Variants in RAB3IP observed in about 807,000 individuals in gnomAD.
The protein encoded by RAB3IP is RAB3A interacting protein.
A neutral mutation model predicts 59.1 loss-of-function variants in RAB3IP; 36 were observed. The ratio of observed to expected loss-of-function variants is 0.61; its 90% CI spans 0.47 to 0.80. The LOEUF is 0.80. Ranked by LOEUF, RAB3IP falls within the 30% of genes least tolerant of loss-of-function variation. RAB3IP has a pLI of 0.00. For synonymous variants in RAB3IP, 207 were observed against 191.2 expected, an observed-to-expected ratio of 1.08 and a Z score of -0.68; for missense variants, 511 against 536.0, an observed-to-expected ratio of 0.95 and a Z score of 0.46.
intron 1 of RAB3IP, among the ~76,000 whole-genome samples, chr12:69,750,866 CTGAT>C (rs1869168135): frequency 6.6e-6 from 1 of 151,872 alleles, no homozygotes; most frequent in Non-Finnish European, 1.5e-5. Flanking sequence ...TACTGTCATT[CTGAT>C]TGATTAACTA....
chr12:69,740,013 G>T, intron 1 of RAB3IP: 1 of 715,624 alleles, frequency 1.4e-6, no homozygotes, highest in South Asian at 1.8e-5. Context: ...TCAGTGTCGG[G>T]TTAAAAGCCT....
chr12:69,739,554 A>T, intron 1 of RAB3IP: 1 of 489,768 alleles, frequency 2.0e-6, no homozygotes, highest in Non-Finnish European at 3.7e-6. Context: ...TCCCAGTCTT[A>T]GGAAACTACG....
intron 1 of RAB3IP, among the ~76,000 whole-genome samples, chr12:69,745,222 G>C (rs564392217): frequency 6.6e-6 from 1 of 152,092 alleles, no homozygotes; most frequent in Non-Finnish European, 1.5e-5. Flanking sequence ...ATTTCCCAAA[G>C]ATAAGAGCAG....
intron 1 of RAB3IP, chr12:69,739,488 C>T: frequency 3.7e-6 from 1 of 270,056 alleles, no homozygotes; most frequent in Non-Finnish European, 7.0e-6. Context: ...AAGTCGGAAG[C>T]AGCTCACAAC....
intron 3 of RAB3IP, among the ~76,000 whole-genome samples, chr12:69,758,756 CT>C (rs71437121): frequency 0.019 from 928 of 48,212 alleles, 23 homozygotes; most frequent in African/African-American, 0.063. Context: ...GTGTTCATTC[CT>C]TTTTTTTTTT....
rs750457610 is a variant in RAB3IP at position 69,792,434 on chromosome 12, T to C, written c.607-2003T>C. 3.3e-5 allele frequency among the ~76,000 whole-genome samples: 5 copies of C among 152,204 alleles called. No homozygotes were observed. The South Asian group carries it at 8.3e-4, about 25-fold the overall frequency. On this transcript the variant is annotated intron_variant, in intron 4 of 10. Transcript: ENST00000247833. ...TGTATTGTCTATGGCTGCTTTCATA[T>C]TGCAACAGCAGAGCTGAGGAGTTGC...
At chr12:69,807,337 C>T (rs369253913) in intron 8 of RAB3IP, among the ~76,000 whole-genome samples, 1 of 150,724 alleles carries the variant, frequency 6.6e-6, no homozygotes, top group South Asian at 2.1e-4. Flanking sequence ...GCGCTCTTCA[C>T]CTCCCAGACA....
At chr12:69,787,065 G>A (rs1385592372) in intron 4 of RAB3IP, among the ~76,000 whole-genome samples, 1 of 151,880 alleles carries the variant, frequency 6.6e-6, no homozygotes, top group African/African-American at 2.4e-5. Context: ...TTCTTTTTTT[G>A]CACTTTATAT....
At position 69,800,270 on chromosome 12, in the gene RAB3IP, C is replaced by T. The variant is rs747682667; in HGVS notation, c.950C>T (p.Thr317Met). Residue 317 changes from threonine to methionine, a missense_variant, in exon 7 of 11, where the codon ACG (threonine) becomes ATG (methionine). Thr to Met is a moderately conservative substitution (Grantham distance 81). Coordinates refer to ENST00000247833, the MANE Select transcript of RAB3IP (RefSeq NM_022456.5). ...LWKDEPTMDR[T>M]CPFLDKIYQE... ...AAGGATGAGCCCACAATGGACAGGA[C>T]GTGTCCTTTCTTAGACAAAATCTAC... 8.1e-6 allele frequency: 13 copies of T among 1,597,526 alleles called. No individual in the cohort carries two copies. Among genetic ancestry groups the T allele is most frequent in the Middle Eastern group, 1.7e-4 (1 of 6,040 alleles).
chr12:69,782,909 T>C (rs1874988988), intron 3 of RAB3IP, among the ~76,000 whole-genome samples: 4 of 152,214 alleles, frequency 2.6e-5, no homozygotes. Flanking sequence ...TTTATGACTT[T>C]GTGGTCGTAC....
intron 3 of RAB3IP, among the ~76,000 whole-genome samples, chr12:69,779,499 A>T (rs985405933): frequency 6.6e-6 from 1 of 150,718 alleles, no homozygotes. Context: ...TTCTCTTTTG[A>T]TGCTATCCCA....
chr12:69,789,681 C>G (rs556831336), intron 4 of RAB3IP, among the ~76,000 whole-genome samples: 3 of 152,210 alleles, frequency 2.0e-5, no homozygotes, highest in Admixed American at 2.0e-4. Flanking sequence ...TGCAGAAGCT[C>G]TTAATAAAAT....
intron 4 of RAB3IP, among the ~76,000 whole-genome samples, chr12:69,792,996 A>G (rs1662984092): frequency 6.6e-6 from 1 of 152,176 alleles, no homozygotes; most frequent in African/African-American, 2.4e-5. Flanking sequence ...TAAAGTTAAA[A>G]TGTTACTTAT....
chr12:69,759,451 C>T (rs1165532690), intron 3 of RAB3IP, among the ~76,000 whole-genome samples: 2 of 151,968 alleles, frequency 1.3e-5, no homozygotes, highest in Non-Finnish European at 2.9e-5. Context: ...TTTTCTATTC[C>T]ACAAAACCGC....
intron 8 of RAB3IP, among the ~76,000 whole-genome samples, chr12:69,803,752 GT>G (rs1340110327): frequency 6.6e-6 from 1 of 151,888 alleles, no homozygotes; most frequent in Non-Finnish European, 1.5e-5. Context: ...GCGGTGTTTG[GT>G]TTTTTTGTCC....
intron 1 of RAB3IP, among the ~76,000 whole-genome samples, chr12:69,745,783 C>T (rs1465587861): frequency 6.6e-6 from 1 of 152,128 alleles, no homozygotes; most frequent in South Asian, 2.1e-4. Flanking sequence ...CTTAGAGATC[C>T]TTTGCTGTGC....
At chr12:69,757,139 T>C (rs1870359869) in intron 3 of RAB3IP, among the ~76,000 whole-genome samples, 1 of 152,256 alleles carries the variant, frequency 6.6e-6, no homozygotes, top group East Asian at 1.9e-4. Flanking sequence ...TTTAAAAGTT[T>C]CTGCTATTTA....
intron 1 of RAB3IP, among the ~76,000 whole-genome samples, chr12:69,746,652 A>T (rs992845558): frequency 2.0e-5 from 3 of 152,360 alleles, no homozygotes; most frequent in Admixed American, 6.5e-5. Flanking sequence ...AATATAATTT[A>T]TCACATATAT....
At chr12:69,782,035 G>T (rs1256150768) in intron 3 of RAB3IP, among the ~76,000 whole-genome samples, 6 of 152,114 alleles carry the variant, frequency 3.9e-5, no homozygotes, top group Admixed American at 3.9e-4. Context: ...TTTAGCATTT[G>T]ATATTACCAG....
Sources: allele counts gnomAD v4.1 joint callset (sites outside exome capture counted in the v4.1 genomes callset), GRCh38; gene constraint gnomAD v4.1.1; transcripts MANE v1.5; gene names NCBI Gene and HGNC (gene_info 2026-07-23, HGNC 2026-07-21).